Variants in CDH13 observed in about 807,000 individuals in gnomAD.
CDH13 encodes cadherin-13.
CDH13 carries 24 observed loss-of-function variants against 63.8 expected under a neutral mutation model. The ratio of observed to expected loss-of-function variants is 0.38; its 90% CI spans 0.27 to 0.53. The LOEUF is 0.53. Ranked by LOEUF, CDH13 falls within the 20% of genes least tolerant of loss-of-function variation. The probability of loss-of-function intolerance (pLI) is 0.85; values close to 1 mark genes in which losing one functional copy is unlikely to be tolerated. For missense variants in CDH13, 1,049 were observed against 903.1 expected (o/e 1.16, Z -2.07); for synonymous variants, 503 against 355.3 (o/e 1.42, Z -4.67).
At chr16:83,214,594 A>AAAAAAC in intron 4 of CDH13, among the ~76,000 whole-genome samples, 1 of 148,174 alleles carries the variant, frequency 6.7e-6, no homozygotes, top group Non-Finnish European at 1.5e-5. Flanking sequence ...AAAAAAAAAA[A>AAAAAAC]AAAAAAAAGA....
chr16:83,380,833 T>C (rs535723390), intron 6 of CDH13, among the ~76,000 whole-genome samples: 1,119 of 73,896 alleles, frequency 0.015, 9 homozygotes, highest in Non-Finnish European at 0.022. Context: ...TACCCAAGGT[T>C]TTTTTTTTTT....
chr16:83,102,948 C>CTTTTTTTTTTTTTTTTTCTTTTTT (rs2034566099), intron 3 of CDH13, among the ~76,000 whole-genome samples: 1 of 69,026 alleles, frequency 1.4e-5, no homozygotes, highest in African/African-American at 7.0e-5. Flanking sequence ...TTTTCTTTTT[C>CTTTTTTTTTTTTTTTTTCTTTTTT]TTTTTTTTTT....
intron 1 of CDH13, among the ~76,000 whole-genome samples, chr16:82,790,603 G>A (rs968199226): frequency 6.6e-6 from 1 of 152,088 alleles, no homozygotes; most frequent in Non-Finnish European, 1.5e-5. Flanking sequence ...CCCTTCTCAC[G>A]TTGCTTTAAG....
chr16:82,685,794 A>G (rs906826473), intron 1 of CDH13, among the ~76,000 whole-genome samples: 1 of 152,160 alleles, frequency 6.6e-6, no homozygotes, highest in Non-Finnish European at 1.5e-5. Flanking sequence ...AGGTTTAACC[A>G]AGTCTAGAAT....
chr16:83,631,056 C>G (rs1255342105), intron 8 of CDH13, among the ~76,000 whole-genome samples: 1 of 152,162 alleles, frequency 6.6e-6, no homozygotes, highest in East Asian at 1.9e-4. Context: ...CGCAGAACAG[C>G]TGGGCTAAAA....
At chr16:82,890,969 A>G (rs957418611) in intron 2 of CDH13, among the ~76,000 whole-genome samples, 10 of 151,014 alleles carry the variant, frequency 6.6e-5, no homozygotes, top group African/African-American at 1.7e-4. Context: ...ATTCTTTTAT[A>G]TACTTGGAGG....
At chr16:83,102,511 T>A (rs1195261126) in intron 3 of CDH13, among the ~76,000 whole-genome samples, 8 of 152,042 alleles carry the variant, frequency 5.3e-5, no homozygotes, top group Non-Finnish European at 1.2e-4. Flanking sequence ...GCAGATGACA[T>A]GAGATTACAT....
chr16:83,285,295 A>C (rs142019552), intron 5 of CDH13, among the ~76,000 whole-genome samples: 1 of 152,094 alleles, frequency 6.6e-6, no homozygotes, highest in Admixed American at 6.6e-5. Flanking sequence ...GTCCTAGTCA[A>C]TTTCTCCTTG....
At chr16:82,846,185 G>C (rs1396822653) in intron 1 of CDH13, among the ~76,000 whole-genome samples, 2 of 152,192 alleles carry the variant, frequency 1.3e-5, no homozygotes, top group Non-Finnish European at 2.9e-5. Flanking sequence ...TTTGTTCTTA[G>C]AGGTTGTCAT....
chr16:83,406,096 A>G (rs948667801), intron 6 of CDH13, among the ~76,000 whole-genome samples: 35 of 152,180 alleles, frequency 2.3e-4, no homozygotes, highest in Non-Finnish European at 3.1e-4. Context: ...AAGGAAGCTA[A>G]TGTCCTCAGA....
At chr16:83,280,911 C>T (rs1440398188) in intron 5 of CDH13, among the ~76,000 whole-genome samples, 1 of 152,174 alleles carries the variant, frequency 6.6e-6, no homozygotes, top group Non-Finnish European at 1.5e-5. Context: ...GAGCAGTGGG[C>T]TCAAAATATT....
At position 83,324,726 on chromosome 16, in the gene CDH13, T is replaced by G. The variant is rs564409171; in HGVS notation, c.637-20136T>G. Among the ~76,000 whole-genome samples, 5 of 152,356 alleles carry G rather than the reference T, an allele frequency of 3.3e-5. No homozygotes were observed. The East Asian group carries it at 9.6e-4, about 29-fold the overall frequency. Reference sequence around the variant, plus strand: ...TTAAAATGCGTAAGTGTTTTGTGTGTGGGGACACATGTTTTTATTTCTCTT... The same window carrying G: ...TTAAAATGCGTAAGTGTTTTGTGTGGGGGGACACATGTTTTTATTTCTCTT... On this transcript the variant is annotated intron_variant, in intron 5 of 13. Coordinates refer to ENST00000567109, the MANE Select transcript of CDH13 (RefSeq NM_001257.5).
At chr16:83,181,225 T>C (rs533191432) in intron 4 of CDH13, 2 of 389,876 alleles carry the variant, frequency 5.1e-6, no homozygotes, top group South Asian at 7.5e-5. Context: ...GGGGACTTAA[T>C]TTCTTCTCAG....
chr16:82,699,793 C>T (rs1421839878), intron 1 of CDH13, among the ~76,000 whole-genome samples: 1 of 152,194 alleles, frequency 6.6e-6, no homozygotes, highest in African/African-American at 2.4e-5. Context: ...TTTGTCTATG[C>T]CAAATGTCAT....
At chr16:82,820,527 C>T (rs2037954808) in intron 1 of CDH13, among the ~76,000 whole-genome samples, 3 of 152,174 alleles carry the variant, frequency 2.0e-5, no homozygotes, top group Admixed American at 6.5e-5. Context: ...CACAGGCATC[C>T]TGCTTCTGGA....
intron 7 of CDH13, among the ~76,000 whole-genome samples, chr16:83,517,074 C>G (rs917889161): frequency 7.9e-5 from 12 of 152,216 alleles, no homozygotes; most frequent in African/African-American, 2.6e-4. Context: ...GTAATTCTGG[C>G]AAAGGGAAAT....
intron 10 of CDH13, among the ~76,000 whole-genome samples, chr16:83,678,899 G>A (rs1389901376): frequency 2.0e-5 from 3 of 152,168 alleles, no homozygotes; most frequent in African/African-American, 7.2e-5. Flanking sequence ...TAGAGGTTCG[G>A]TACTTGCTCA....
intron 2 of CDH13, among the ~76,000 whole-genome samples, chr16:82,891,246 C>T (rs906901128): frequency 6.6e-6 from 1 of 152,054 alleles, no homozygotes; most frequent in African/African-American, 2.4e-5. Flanking sequence ...GTATCTCTCC[C>T]TTGGGGACTC....
intron 5 of CDH13, among the ~76,000 whole-genome samples, chr16:83,234,273 C>G (rs565177393): frequency 4.6e-5 from 7 of 152,276 alleles, no homozygotes; most frequent in African/African-American, 1.7e-4. Flanking sequence ...GGATGATTTT[C>G]TTCAGAATGA....
Sources: gnomAD v4.1 joint callset for allele counts (sites outside exome capture counted in the v4.1 genomes callset) on GRCh38, gnomAD v4.1.1 for gene constraint, MANE v1.5 for transcripts, NCBI Gene and HGNC (gene_info 2026-07-23, HGNC 2026-07-21) for gene names.